RTF1: variants seen among roughly 807,000 people sequenced by gnomAD.
RTF1 encodes RNA polymerase-associated protein RTF1 homolog.
In RTF1, 10 loss-of-function variants were observed where a neutral mutation model predicts 95.7. That is an observed-to-expected ratio of 0.10 (90% CI 0.06 to 0.18). The LOEUF (loss-of-function observed/expected upper bound fraction) is 0.18, where lower values mean the gene tolerates loss of function less well. Among genes scored for constraint, RTF1 ranks in the 10% least tolerant of loss-of-function variants. The probability of loss-of-function intolerance (pLI) is 1.00; values close to 1 mark genes in which losing one functional copy is unlikely to be tolerated. For synonymous variants in RTF1, 305 were observed against 311.8 expected (o/e 0.98, Z 0.23); for missense variants, 458 against 875.6 (o/e 0.52, Z 6.02).
At chr15:41,469,787 A>G (rs556267865) in intron 6 of RTF1, among the ~76,000 whole-genome samples, 1 of 152,270 alleles carries the variant, frequency 6.6e-6, no homozygotes, top group East Asian at 1.9e-4. Context: ...TGCCTCCCAA[A>G]GTGCTGAGAT....
intron 2 of RTF1, among the ~76,000 whole-genome samples, chr15:41,447,221 G>A (rs2050768300): frequency 6.6e-6 from 1 of 152,140 alleles, no homozygotes; most frequent in African/African-American, 2.4e-5. Context: ...AGGAATATGG[G>A]TATTCCTTGC....
intron 2 of RTF1, among the ~76,000 whole-genome samples, chr15:41,447,548 A>G (rs750277323): frequency 2.0e-5 from 3 of 152,250 alleles, no homozygotes; most frequent in Non-Finnish European, 2.9e-5. Flanking sequence ...CTCTGTTATT[A>G]GGAAGAAAAC....
intron 1 of RTF1, among the ~76,000 whole-genome samples, chr15:41,418,867 T>TTTA (rs2050585916): frequency 1.3e-5 from 2 of 151,950 alleles, no homozygotes; most frequent in Admixed American, 6.6e-5. Flanking sequence ...TTATTTATTT[T>TTTA]TTTTTGAGAC....
chr15:41,452,392 G>A (rs558662567), intron 2 of RTF1, among the ~76,000 whole-genome samples: 5 of 152,140 alleles, frequency 3.3e-5, no homozygotes, highest in African/African-American at 9.6e-5. Context: ...GCCCGAGATC[G>A]CACCACTGCA....
chr15:41,448,850 A>AT (rs1030747669), intron 2 of RTF1: 1 of 151,948 alleles, frequency 6.6e-6, no homozygotes, highest in African/African-American at 2.4e-5. Context: ...AGCAGAGATT[A>AT]TTTTTTTAAA....
chr15:41,420,072 C>T (rs1041161383), intron 1 of RTF1, among the ~76,000 whole-genome samples: 15 of 152,138 alleles, frequency 9.9e-5, no homozygotes, highest in African/African-American at 2.9e-4. Flanking sequence ...ATGCCCACCT[C>T]GGCCTCCCAA....
chr15:41,462,605 T>A (rs2140963099), intron 4 of RTF1, among the ~76,000 whole-genome samples: 1 of 152,314 alleles, frequency 6.6e-6, no homozygotes, highest in East Asian at 1.9e-4. Context: ...ATTCATTGGT[T>A]TTTATATGTC....
intron 12 of RTF1, 61 bp downstream of exon 12, chr15:41,476,584 G>A (rs1175201806): frequency 4.1e-6 from 6 of 1,459,618 alleles, no homozygotes; most frequent in Non-Finnish European, 5.8e-6. Context: ...AATCAAACTT[G>A]TTCATCCTCT....
Position 41,482,095 on chromosome 15 carries a change from G to A in RTF1, c.*1408G>A, listed in dbSNP as rs80169209. ...ACTCCGCCTCAAAAAGATTTAGGTT[G>A]CAAATGTTTCAAGCATGTGCAGTTT... On this transcript the variant is annotated 3_prime_UTR_variant, in exon 18 of 18. Transcript: ENST00000389629. 1,035 of 152,372 alleles carry A rather than the reference G, an allele frequency of 6.8e-3. 10 individuals carry two copies. Among genetic ancestry groups the A allele is most frequent in the African/African-American group, 0.024 (986 of 41,570 alleles). 9.4% of individuals were successfully genotyped at this position (152,372 alleles called of 1,614,324 possible).
chr15:41,428,542 A>G (rs1449919939), intron 1 of RTF1, among the ~76,000 whole-genome samples: 1 of 150,358 alleles, frequency 6.7e-6, no homozygotes, highest in South Asian at 2.1e-4. Context: ...TGCTGGGATT[A>G]CAAGTGTGAG....
intron 3 of RTF1, among the ~76,000 whole-genome samples, chr15:41,457,354 T>A (rs1011519629): frequency 1.3e-5 from 2 of 151,990 alleles, no homozygotes; most frequent in African/African-American, 4.8e-5. Flanking sequence ...AACAATATGG[T>A]GAAACCCCGT....
chr15:41,482,160 G>C lies in RTF1; in HGVS notation c.*1473G>C, dbSNP rs1176823279. 3 of 152,542 alleles carry C rather than the reference G, an allele frequency of 2.0e-5. No individual in the cohort carries two copies. In the East Asian group the frequency reaches 5.8e-4, roughly 29 times the overall value. The allele number at this position is 152,542 out of a possible 1,614,324, so 9.4% of individuals were successfully genotyped here. A position where few individuals can be genotyped will look rare whatever the true frequency, so the allele number is the denominator to read the frequency against. Reference sequence around the variant, plus strand: ...CATATATATGGTCAGCATATATATTGTGCAGCTAGGGCGAAGCCAGCAGAG... The same window carrying C: ...CATATATATGGTCAGCATATATATTCTGCAGCTAGGGCGAAGCCAGCAGAG... On this transcript the variant is annotated 3_prime_UTR_variant, in exon 18 of 18. Coordinates refer to ENST00000389629, the MANE Select transcript of RTF1 (RefSeq NM_015138.5).
At chr15:41,452,213 A>G (rs2050792436) in intron 2 of RTF1, among the ~76,000 whole-genome samples, 1 of 152,138 alleles carries the variant, frequency 6.6e-6, no homozygotes, top group Non-Finnish European at 1.5e-5. Flanking sequence ...AGGCAGGCAA[A>G]TTGCTTGAGC....
chr15:41,446,787 C>T (rs1423483566), intron 2 of RTF1, among the ~76,000 whole-genome samples: 3 of 151,724 alleles, frequency 2.0e-5, no homozygotes, highest in Non-Finnish European at 4.4e-5. Flanking sequence ...TGTAGTTTGT[C>T]ACTAGCCCAG....
intron 1 of RTF1, among the ~76,000 whole-genome samples, chr15:41,428,653 G>A (rs1011839925): frequency 2.6e-5 from 4 of 151,242 alleles, no homozygotes; most frequent in Non-Finnish European, 5.9e-5. Flanking sequence ...GATCACTCTA[G>A]CTTTGACCTC....
chr15:41,475,518 T>C lies in RTF1; in HGVS notation c.1287-7T>C. 6.2e-7 allele frequency: 1 copy of C among 1,612,906 alleles called. No homozygotes were observed. The highest frequency in any genetic ancestry group is 8.5e-7 in the Non-Finnish European group (1 of 1,178,924). The stretch of plus-strand genomic sequence containing the variant: ...TTTCTTGGAGATGCTGTCTCTCTTT[T>C]ATGTAGGCATGGCAATGACCAACGC... On this transcript the variant is annotated splice_polypyrimidine_tract_variant and splice_region_variant and intron_variant, in intron 9 of 17. Transcript: ENST00000389629.
chr15:41,480,472 T>C (rs1297333733), intron 17 of RTF1, 109 bp from the exon 18 acceptor site: 4 of 962,240 alleles, frequency 4.2e-6, no homozygotes, highest in Non-Finnish European at 6.7e-6. Flanking sequence ...GCTGTGGGTA[T>C]GGTGAGAGGG....
intron 1 of RTF1, among the ~76,000 whole-genome samples, chr15:41,424,995 TC>T (rs2050621387): frequency 1.1e-4 from 16 of 150,916 alleles, no homozygotes; most frequent in Admixed American, 1.1e-3. Context: ...ACAGAGAGAC[TC>T]CGTCTAAAAA....
chr15:41,472,021 C>T (rs1323797442), intron 8 of RTF1, among the ~76,000 whole-genome samples: 1 of 151,240 alleles, frequency 6.6e-6, no homozygotes, highest in Admixed American at 6.6e-5. Context: ...GCCTCAGCCT[C>T]CCAAGTAGCT....
Sources: gnomAD v4.1 joint callset for allele counts (sites outside exome capture counted in the v4.1 genomes callset) on GRCh38, gnomAD v4.1.1 for gene constraint, MANE v1.5 for transcripts, NCBI Gene and HGNC (gene_info 2026-07-23, HGNC 2026-07-21) for gene names.